Variants in MICU3 observed in about 807,000 individuals in gnomAD.
MICU3 encodes the protein mitochondrial calcium uptake 3, also known as calcium uptake protein 3, mitochondrial.
In MICU3, 62 loss-of-function variants were observed where a neutral mutation model predicts 66.5. The observed-to-expected ratio is 0.93, with a 90% CI of 0.76 to 1.15. MICU3 has a LOEUF of 1.15. Ranked by LOEUF, MICU3 falls within the 50% of genes most tolerant of loss-of-function variation. MICU3 has a pLI of 0.00. For missense variants in MICU3, 779 were observed against 664.4 expected, an observed-to-expected ratio of 1.17 and a Z score of -1.90; for synonymous variants, 308 against 240.7, an observed-to-expected ratio of 1.28 and a Z score of -2.59.
At chr8:17,038,940 G>A (rs1406855342) in intron 1 of MICU3, among the ~76,000 whole-genome samples, 13 of 141,604 alleles carry the variant, frequency 9.2e-5, no homozygotes, top group Non-Finnish European at 1.5e-4. Context: ...GCGACAGAGC[G>A]AGACTCTGTC....
At chr8:17,123,628 G>A (rs1803323522), downstream of MICU3, among the ~76,000 whole-genome samples, 1 of 151,994 alleles carries the variant, frequency 6.6e-6, no homozygotes, top group South Asian at 2.1e-4. Context: ...CATCTTTGGA[G>A]GGCAATAGAG....
chr8:17,127,520 G>GT (rs1435043240), downstream of MICU3, among the ~76,000 whole-genome samples: 1 of 41,090 alleles, frequency 2.4e-5, no homozygotes, highest in Admixed American at 2.1e-4. Flanking sequence ...ACTTAAATAT[G>GT]TTTTTTCTAA....
rs1289744910 is a variant in MICU3 at position 17,027,323 on chromosome 8, C to T, written c.44C>T (p.Ser15Phe). The T allele has an allele frequency of 1.3e-6, 2 of 1,528,844 alleles. No individual in the cohort carries two copies. The highest frequency in any genetic ancestry group is 1.7e-6 in the Non-Finnish European group (2 of 1,146,964). The allele number at this position is 1,528,844 out of a possible 1,614,324, so 94.7% of individuals were successfully genotyped here. ...CTCTTGTGGCCGCCACCCCGGGTGT[C>T]TCCTCCACTCTGCGCTCACCAGCCC... ...RRLLWPPPRV[S>F]PPLCAHQPLL... Residue 15 changes from serine to phenylalanine, a missense_variant, in exon 1 of 15, where the codon TCT (serine) becomes TTT (phenylalanine). By Grantham distance (155) the Ser-to-Phe change is radical. Transcript: ENST00000318063.
Position 17,105,461 on chromosome 8 carries a change from CT to C in MICU3, c.1135del (p.Tyr379ThrfsTer5). 6.4e-7 allele frequency: 1 copy of C among 1,571,058 alleles called. No homozygotes were observed. The stretch of plus-strand genomic sequence containing the variant: ...AAGTTCTAGAAATAGAATTCCTTTC[CT>C]ACTCAAATGGAATGAATACCATCAG... ...TEVLEIEFLS[Y>X]SNGMNTISEE... On this transcript the variant is annotated frameshift_variant, in exon 11 of 15. Coordinates refer to ENST00000318063, the MANE Select transcript of MICU3 (RefSeq NM_181723.3). LOFTEE classifies it high-confidence loss of function.
intron 3 of MICU3, among the ~76,000 whole-genome samples, chr8:17,076,857 C>G (rs1820457751): frequency 6.6e-6 from 1 of 152,180 alleles, no homozygotes; most frequent in Non-Finnish European, 1.5e-5. Flanking sequence ...GCCACATGCT[C>G]TGAGGAGTGG....
rs750182296 is a variant in MICU3 at position 17,064,224 on chromosome 8, A to T, written c.522A>T (p.Thr174=). The T allele has an allele frequency of 6.2e-7, 1 of 1,611,732 alleles. No homozygotes were observed. Among genetic ancestry groups the T allele is most frequent in the East Asian group, 2.2e-5 (1 of 44,804 alleles). The change falls in exon 2 of 15, where the codon ACA becomes ACT. Residue 174 remains threonine (T), a synonymous_variant. Transcript: ENST00000318063. The part of the protein sequence containing the change: ...TPYDFILAVT[T]DEPKVAKTWK... The stretch of plus-strand genomic sequence containing the variant: ...ATGATTTTATTTTGGCTGTTACAAC[A>T]GATGAGCCCAAAGGTAAGTACACTT...
At chr8:17,040,919 T>A (rs1813957766) in intron 1 of MICU3, among the ~76,000 whole-genome samples, 1 of 152,256 alleles carries the variant, frequency 6.6e-6, no homozygotes. Context: ...TTGGGTGGAT[T>A]TGCTGCAATT....
chr8:17,115,367 C>G (rs1802586595), intron 12 of MICU3, among the ~76,000 whole-genome samples: 1 of 152,080 alleles, frequency 6.6e-6, no homozygotes, highest in Non-Finnish European at 1.5e-5. Context: ...AAGCCAAAAC[C>G]TTTGGCAACT....
intron 1 of MICU3, among the ~76,000 whole-genome samples, chr8:17,047,454 T>A (rs760928086): frequency 6.6e-6 from 1 of 152,160 alleles, no homozygotes; most frequent in Non-Finnish European, 1.5e-5. Context: ...TCCCAAGAGA[T>A]AATGGTTGAA....
intron 1 of MICU3, among the ~76,000 whole-genome samples, chr8:17,045,183 T>C (rs1444118510): frequency 6.6e-6 from 1 of 152,186 alleles, no homozygotes; most frequent in African/African-American, 2.4e-5. Flanking sequence ...TTTGATGTTA[T>C]GAGGTAGATA....
chr8:17,071,489 T>G (rs1236792481), intron 3 of MICU3, among the ~76,000 whole-genome samples: 1 of 152,042 alleles, frequency 6.6e-6, no homozygotes, highest in Non-Finnish European at 1.5e-5. Context: ...CCTAATTACC[T>G]CTTTAAAGAA....
intron 2 of MICU3, among the ~76,000 whole-genome samples, chr8:17,067,547 A>C (rs1376969666): frequency 6.6e-6 from 1 of 151,846 alleles, no homozygotes; most frequent in Non-Finnish European, 1.5e-5. Context: ...CTCCTGCCTC[A>C]GCCTCCTGAA....
At chr8:17,082,315 T>G (rs956453542) in intron 5 of MICU3, among the ~76,000 whole-genome samples, 10 of 152,126 alleles carry the variant, frequency 6.6e-5, no homozygotes, top group Non-Finnish European at 1.0e-4. Context: ...GATTTGTACC[T>G]TCTGCTTCCT....
At chr8:17,106,879 A>G (rs953074508) in intron 11 of MICU3, among the ~76,000 whole-genome samples, 1 of 151,542 alleles carries the variant, frequency 6.6e-6, no homozygotes, top group Non-Finnish European at 1.5e-5. Flanking sequence ...TTTCTAAGAC[A>G]ATGATATTCT....
chr8:17,027,269 C>CGGCCTCCG lies in MICU3; in HGVS notation c.-10_-3dup. On this transcript the variant is annotated 5_prime_UTR_variant, in exon 1 of 15. Transcript: ENST00000318063. ...TGCCCCCTCCCAGCTCTGGTGTGGG[C>CGGCCTCCG]GGCCTCCGCTATGGCTGCGCTGCGA... 8.6e-7 allele frequency: 1 copy of CGGCCTCCG among 1,163,492 alleles called. No homozygotes were observed. The highest frequency in any genetic ancestry group is 1.1e-6 in the Non-Finnish European group (1 of 923,826). The allele number at this position is 1,163,492 out of a possible 1,614,324, so 72.1% of individuals were successfully genotyped here.
intron 8 of MICU3, among the ~76,000 whole-genome samples, chr8:17,096,588 A>G (rs944020449): frequency 2.0e-5 from 3 of 151,950 alleles, no homozygotes; most frequent in Admixed American, 1.3e-4. Flanking sequence ...CAGAAACTTT[A>G]TAATTATTTA....
chr8:17,040,985 A>G (rs1016317123), intron 1 of MICU3, among the ~76,000 whole-genome samples: 4 of 152,238 alleles, frequency 2.6e-5, no homozygotes, highest in African/African-American at 9.6e-5. Context: ...GGCATGGATG[A>G]TGAATCTGTA....
chr8:17,098,451 T>C lies in MICU3; in HGVS notation c.889-7T>C. 6.3e-7 allele frequency: 1 copy of C among 1,579,180 alleles called. No homozygotes were observed. Among genetic ancestry groups the C allele is most frequent in the Non-Finnish European group, 8.7e-7 (1 of 1,148,686 alleles). ...GATTTCAGTTGTGCTTCTTAAAACT[T>C]CTACAGGTACTTAAAACAGATGCTG... On this transcript the variant is annotated splice_polypyrimidine_tract_variant and splice_region_variant and intron_variant, in intron 8 of 14. Transcript: ENST00000318063.
Position 17,104,319 on chromosome 8 carries a change from T to C in MICU3, c.985-72T>C, listed in dbSNP as rs1049062575. 3 of 641,670 alleles carry C rather than the reference T, an allele frequency of 4.7e-6. No homozygotes were observed. The African/African-American group carries it at 5.6e-5, about 12-fold the overall frequency. The allele number at this position is 641,670 out of a possible 1,614,324, so 39.7% of individuals were successfully genotyped here. A position where few individuals can be genotyped will look rare whatever the true frequency, so the allele number is the denominator to read the frequency against. On this transcript the variant is annotated intron_variant, in intron 9 of 14. Transcript: ENST00000318063. ...TTTGTATGTTGATAACAGAATTCTTTGAGAAATATTGGGTATCCCTATTCT... is the reference window on the plus strand; with the variant it reads ...TTTGTATGTTGATAACAGAATTCTTCGAGAAATATTGGGTATCCCTATTCT...
Sources: gnomAD v4.1 joint callset for allele counts (sites outside exome capture counted in the v4.1 genomes callset) on GRCh38, gnomAD v4.1.1 for gene constraint, MANE v1.5 for transcripts, NCBI Gene and HGNC (gene_info 2026-07-23, HGNC 2026-07-21) for gene names.